Variants in STOX2 observed in about 807,000 individuals in gnomAD.
STOX2 encodes storkhead-box protein 2.
In STOX2, 28 loss-of-function variants were observed where a neutral mutation model predicts 60.9. That is an observed-to-expected ratio of 0.46 (90% CI 0.34 to 0.63). STOX2 has a LOEUF of 0.63. STOX2 is among the 30% of genes least tolerant of loss of function. The pLI is 0.01. For synonymous variants in STOX2, 472 were observed against 463.9 expected (o/e 1.02, Z -0.22); for missense variants, 1,024 against 1,187.7 (o/e 0.86, Z 2.03).
At position 184,010,234 on chromosome 4, in the gene STOX2, AAAGTGC is replaced by A; in HGVS notation, c.1398_1403del (p.Lys466_His468delinsAsn). On this transcript the variant is annotated inframe_deletion, in exon 3 of 4. Coordinates refer to ENST00000308497, the MANE Select transcript of STOX2 (RefSeq NM_020225.3). The surrounding 1 kb of genome is among the most constrained non-coding windows in gnomAD (Gnocchi z 4.5). ...ACCTTCTAGGGGAAGCTCCCACTCAAAAGTGCACCGAAGCCACAGCCATACACAGGA... is the reference window on the plus strand; with the variant it reads ...ACCTTCTAGGGGAAGCTCCCACTCAAACCGAAGCCACAGCCATACACAGGA... 1.9e-6 allele frequency: 3 copies of A among 1,558,762 alleles called. No individual in the cohort carries two copies. The highest frequency in any genetic ancestry group is 2.6e-6 in the Non-Finnish European group (3 of 1,151,270).
At chr4:184,017,067 CA>C in intron 3 of STOX2, 21 bp from the exon 4 acceptor site, 3 of 1,569,212 alleles carry the variant, frequency 1.9e-6, no homozygotes, top group Non-Finnish European at 2.6e-6. Flanking sequence ...CAAAACAAAA[CA>C]AACCCTTTTT....
At chr4:183,829,935 T>C (rs1739527828) in intron 1 of STOX2, among the ~76,000 whole-genome samples, 1 of 152,208 alleles carries the variant, frequency 6.6e-6, no homozygotes, top group South Asian at 2.1e-4. Context: ...TTCAGAGACA[T>C]TTCCTCATGG....
At chr4:183,972,222 G>C (rs774275360) in intron 1 of STOX2, among the ~76,000 whole-genome samples, 1 of 152,168 alleles carries the variant, frequency 6.6e-6, no homozygotes, top group Non-Finnish European at 1.5e-5. Flanking sequence ...AAGAGCATGG[G>C]GCGAATTCCC....
chr4:183,958,827 T>C (rs1202529712), intron 1 of STOX2, among the ~76,000 whole-genome samples: 3 of 152,184 alleles, frequency 2.0e-5, no homozygotes, highest in Non-Finnish European at 2.9e-5. Context: ...ACGGCTTCCT[T>C]GAAGTTTCTC....
chr4:183,811,623 C>G lies in STOX2; in HGVS notation c.364+13568C>G, dbSNP rs1038190273. 3.6e-4 allele frequency among the ~76,000 whole-genome samples: 55 copies of G among 152,172 alleles called. 1 individual carries two copies. Among genetic ancestry groups the G allele is most frequent in the Non-Finnish European group, 8.8e-5 (6 of 68,042 alleles). On this transcript the variant is annotated intron_variant, in intron 1 of 2. Coordinates refer to the STOX2 transcript ENST00000513034. ...GGGGAATAGAAGCTGCTTATAGCAG[C>G]AAATCTTTAGTTTGAAGAAGTCCAT...
chr4:183,947,818 A>G (rs1431608333), intron 1 of STOX2, among the ~76,000 whole-genome samples: 1 of 152,132 alleles, frequency 6.6e-6, no homozygotes, highest in Non-Finnish European at 1.5e-5. Context: ...TGTACATACT[A>G]ATATTACTGC....
chr4:183,996,713 ATATAATTATTC>A (rs1290081460), intron 1 of STOX2, among the ~76,000 whole-genome samples: 27 of 152,124 alleles, frequency 1.8e-4, no homozygotes, highest in Non-Finnish European at 7.3e-5. Flanking sequence ...TTCACTTAAT[ATATAATTATTC>A]TTTTAAAAAA....
rs1734506574 is a variant in STOX2 at position 184,019,843 on chromosome 4, G to A, written c.*2559G>A. 1 of 152,164 alleles carries A rather than the reference G, an allele frequency of 6.6e-6. No homozygotes were observed. Among genetic ancestry groups the A allele is most frequent in the African/African-American group, 2.4e-5 (1 of 41,430 alleles). 9.4% of individuals were successfully genotyped at this position (152,164 alleles called of 1,614,324 possible). A position where few individuals can be genotyped will look rare whatever the true frequency, so the allele number is the denominator to read the frequency against. On this transcript the variant is annotated 3_prime_UTR_variant, in exon 4 of 4. Transcript: ENST00000308497. ...CAGCACATTGCAAATGTCATTCGAG[G>A]TCACGGTGAGGCTCTCGGTCCCGGA...
intron 1 of STOX2, among the ~76,000 whole-genome samples, chr4:183,831,937 C>A (rs1360633289): frequency 6.6e-6 from 1 of 151,966 alleles, no homozygotes; most frequent in Non-Finnish European, 1.5e-5. Flanking sequence ...TCGGCCCCTC[C>A]CTGAAGCTTC....
chr4:183,915,897 C>G (rs1287315804), intron 1 of STOX2, among the ~76,000 whole-genome samples: 1 of 152,222 alleles, frequency 6.6e-6, no homozygotes, highest in Non-Finnish European at 1.5e-5. Context: ...TGCTTTAACC[C>G]ACCCACTGTG....
chr4:183,850,637 G>A (rs1325410155), intron 1 of STOX2, among the ~76,000 whole-genome samples: 1 of 152,160 alleles, frequency 6.6e-6, no homozygotes, highest in Non-Finnish European at 1.5e-5. Context: ...GCTGAGGCAG[G>A]AGGATTGCTT....
At chr4:183,828,660 A>T (rs749566648) in intron 1 of STOX2, among the ~76,000 whole-genome samples, 2 of 152,204 alleles carry the variant, frequency 1.3e-5, no homozygotes, top group African/African-American at 2.4e-5. Flanking sequence ...TGCTTTTATT[A>T]TTCAGGCTGG....
intron 1 of STOX2, among the ~76,000 whole-genome samples, chr4:183,860,056 A>G (rs765016367): frequency 6.6e-6 from 1 of 151,690 alleles, no homozygotes; most frequent in African/African-American, 2.4e-5. Flanking sequence ...TAATTCTGCA[A>G]TTAAATATCT....
chr4:183,854,855 TG>T (rs562890777), intron 1 of STOX2, among the ~76,000 whole-genome samples: 50 of 152,348 alleles, frequency 3.3e-4, no homozygotes, highest in East Asian at 1.5e-3. Flanking sequence ...AAACAGGGAA[TG>T]TTTTTTTTAA....
At chr4:183,903,955 T>C (rs1741520192), upstream of STOX2, among the ~76,000 whole-genome samples, 1 of 152,234 alleles carries the variant, frequency 6.6e-6, no homozygotes, top group African/African-American at 2.4e-5. Context: ...GAAATAAATA[T>C]ACACTCACCA....
chr4:183,900,955 A>G (rs1367453094), upstream of STOX2, among the ~76,000 whole-genome samples: 1 of 152,174 alleles, frequency 6.6e-6, no homozygotes, highest in Non-Finnish European at 1.5e-5. Flanking sequence ...TAAGTTAAAT[A>G]CATATATAAC....
At position 183,798,654 on chromosome 4, in the gene STOX2, A is replaced by G. The variant is rs1445099046; in HGVS notation, c.364+599A>G. On this transcript the variant is annotated intron_variant, in intron 1 of 2. Transcript: ENST00000513034. ...TGTCTCACCTGCAGCACATCTCTCA[A>G]GTCGTTTTGTGTGTCTGAGGGAAGG... is the stretch of plus-strand genomic sequence containing the variant. 4 of 985,314 alleles carry G rather than the reference A, an allele frequency of 4.1e-6. No homozygotes were observed. The East Asian group carries it at 4.5e-4, about 112-fold the overall frequency. 61.0% of individuals were successfully genotyped at this position (985,314 alleles called of 1,614,324 possible).
intron 1 of STOX2, among the ~76,000 whole-genome samples, chr4:183,949,688 A>C (rs1456281817): frequency 2.0e-5 from 3 of 152,168 alleles, no homozygotes; most frequent in Non-Finnish European, 2.9e-5. Flanking sequence ...ACAGGGCGAG[A>C]CTCCGTATCA....
intron 1 of STOX2, among the ~76,000 whole-genome samples, chr4:183,875,705 C>T (rs1386260119): frequency 2.0e-5 from 3 of 152,176 alleles, no homozygotes; most frequent in East Asian, 1.9e-4. Context: ...GAGCTCCGCT[C>T]GTTTTAGTCT....
Sources: allele counts gnomAD v4.1 joint callset (sites outside exome capture counted in the v4.1 genomes callset), GRCh38; gene constraint gnomAD v4.1.1; non-coding constraint Gnocchi (gnomAD v3.1); transcripts MANE v1.5; gene names NCBI Gene and HGNC (gene_info 2026-07-23, HGNC 2026-07-21).